ZFYVE28: variants seen among roughly 807,000 people sequenced by gnomAD.
ZFYVE28 encodes the protein zinc finger FYVE-type containing 28, also known as lateral signaling target protein 2 homolog.
Under a neutral mutation model 82.1 loss-of-function variants are expected in ZFYVE28, and 40 were observed. The observed-to-expected ratio is 0.49, with a 90% CI of 0.38 to 0.63. ZFYVE28 has a LOEUF of 0.63. Among genes scored for constraint, ZFYVE28 ranks in the 30% least tolerant of loss-of-function variants. The probability of loss-of-function intolerance (pLI) is 0.00; values close to 1 mark genes in which losing one functional copy is unlikely to be tolerated. For missense variants in ZFYVE28, 1,321 were observed against 1,242.1 expected, an observed-to-expected ratio of 1.06 and a Z score of -0.96; for synonymous variants, 612 against 546.1, an observed-to-expected ratio of 1.12 and a Z score of -1.68.
Position 2,308,675 on chromosome 4 carries a change from A to AAGAG in ZFYVE28, c.804-3143_804-3140dup, listed in dbSNP as rs1175184341. Among the ~76,000 whole-genome samples, 411 of 93,214 alleles carry AAGAG rather than the reference A, an allele frequency of 4.4e-3. 5 individuals are homozygous for AAGAG. The highest frequency in any genetic ancestry group is 0.016 in the African/African-American group (391 of 23,838). 61.2% of individuals were successfully genotyped at this position (93,214 alleles called of 152,430 possible). A position where few individuals can be genotyped will look rare whatever the true frequency, so the allele number is the denominator to read the frequency against. ...AAAGAAAGAAAGAAAGAAAGAAAGA[A>AAGAG]AGAGAAAGAAAGAAAAGAAAAGAAA... On this transcript the variant is annotated intron_variant, in intron 7 of 12. Transcript: ENST00000290974.
intron 7 of ZFYVE28, among the ~76,000 whole-genome samples, chr4:2,311,805 C>T (rs1284462873): frequency 2.0e-5 from 3 of 152,072 alleles, no homozygotes; most frequent in Non-Finnish European, 4.4e-5. Context: ...GAAATGAGGT[C>T]TTACTCTGTT....
chr4:2,286,578 C>G (rs531277933), intron 8 of ZFYVE28: 3 of 152,270 alleles, frequency 2.0e-5, no homozygotes, highest in African/African-American at 4.8e-5. Flanking sequence ...AGGCATCTGA[C>G]GCATGGATGC....
At chr4:2,321,901 G>T (rs1284899897) in intron 6 of ZFYVE28, among the ~76,000 whole-genome samples, 5 of 152,128 alleles carry the variant, frequency 3.3e-5, no homozygotes, top group African/African-American at 4.8e-5. Context: ...AGGAGTGGGG[G>T]GACAAGGCCC....
intron 1 of ZFYVE28, among the ~76,000 whole-genome samples, chr4:2,368,609 TTACTG>T (rs1373535167): frequency 1.3e-5 from 2 of 152,234 alleles, no homozygotes; most frequent in African/African-American, 4.8e-5. Context: ...TTTGTGTCTG[TTACTG>T]TCACAGAGCA....
intron 7 of ZFYVE28, among the ~76,000 whole-genome samples, chr4:2,317,376 G>T (rs1489776026): frequency 6.6e-6 from 1 of 152,194 alleles, no homozygotes; most frequent in Non-Finnish European, 1.5e-5. Context: ...CACCAGAGGG[G>T]ACTACCCCTT....
chr4:2,398,246 C>T (rs1210978023), intron 1 of ZFYVE28, among the ~76,000 whole-genome samples: 1 of 152,172 alleles, frequency 6.6e-6, no homozygotes, highest in Non-Finnish European at 1.5e-5. Context: ...AGGGCACCGA[C>T]ACGGGAGGCC....
chr4:2,402,470 G>A (rs1731300969), intron 1 of ZFYVE28, among the ~76,000 whole-genome samples: 1 of 152,242 alleles, frequency 6.6e-6, no homozygotes, highest in African/African-American at 2.4e-5. Flanking sequence ...ATTAAGCAGA[G>A]CAGGCAACAG....
intron 6 of ZFYVE28, among the ~76,000 whole-genome samples, chr4:2,325,267 T>G (rs1469125564): frequency 6.6e-6 from 1 of 152,212 alleles, no homozygotes; most frequent in Non-Finnish European, 1.5e-5. Flanking sequence ...AACAAATTTA[T>G]TGTTGCAAAT....
chr4:2,394,363 C>G lies in ZFYVE28; in HGVS notation c.39+23922G>C, dbSNP rs1730200215. Among the ~76,000 whole-genome samples the G allele has an allele frequency of 6.6e-6, 1 of 152,200 alleles. No homozygotes were observed. The highest frequency in any genetic ancestry group is 1.9e-4 in the East Asian group (1 of 5,196). On this transcript the variant is annotated intron_variant, in intron 1 of 12. Transcript: ENST00000290974. This position sits in a 1 kb window ranked among gnomAD's most constrained non-coding sequence, Gnocchi z 4.0. Reference sequence around the variant, plus strand: ...GCAGGTGGCACAGCTGGGTCACCCACCCCAGCAGCCACGTATGCGATCCCA... The same window carrying G: ...GCAGGTGGCACAGCTGGGTCACCCAGCCCAGCAGCCACGTATGCGATCCCA...
chr4:2,271,898 A>C (rs1735946555), intron 10 of ZFYVE28, 119 bp from the exon 11 acceptor site: 1 of 874,818 alleles, frequency 1.1e-6, no homozygotes, highest in Non-Finnish European at 1.8e-6. Context: ...CCCCAAGCCC[A>C]CTGGCAGTCT....
chr4:2,322,021 A>G (rs1304358229), intron 6 of ZFYVE28, among the ~76,000 whole-genome samples: 1 of 151,562 alleles, frequency 6.6e-6, no homozygotes, highest in Non-Finnish European at 1.5e-5. Context: ...GGGACCCAAG[A>G]CCCCCTGGGC....
rs1191649739 is a variant in ZFYVE28, at chr4:2,269,638, A to C, written c.*1087T>G. The C allele has an allele frequency of 6.6e-6, 1 of 152,246 alleles. No homozygotes were observed. The highest frequency in any genetic ancestry group is 6.5e-5 in the Admixed American group (1 of 15,284). 9.4% of individuals were successfully genotyped at this position (152,246 alleles called of 1,614,324 possible). A position where few individuals can be genotyped will look rare whatever the true frequency, so the allele number is the denominator to read the frequency against. ...ATTTATGGAAATGGCTTCAAATTAC[A>C]GCATTTAGAAAATAAATATAATCTC... On this transcript the variant is annotated 3_prime_UTR_variant, in exon 13 of 13. Coordinates refer to ENST00000290974, the MANE Select transcript of ZFYVE28 (RefSeq NM_020972.3).
intron 2 of ZFYVE28, among the ~76,000 whole-genome samples, chr4:2,349,025 G>A (rs189331659): frequency 8.4e-4 from 128 of 152,214 alleles, no homozygotes; most frequent in African/African-American, 2.8e-3. Context: ...TCTGACAGAC[G>A]AGTCACCCAG....
At chr4:2,333,717 T>C (rs765515048) in intron 6 of ZFYVE28, among the ~76,000 whole-genome samples, 2 of 152,136 alleles carry the variant, frequency 1.3e-5, no homozygotes, top group Non-Finnish European at 2.9e-5. Context: ...TTGCTGTGAG[T>C]GCCCTTGGGA....
chr4:2,323,236 C>A (rs1719369235), intron 6 of ZFYVE28, among the ~76,000 whole-genome samples: 1 of 152,190 alleles, frequency 6.6e-6, no homozygotes, highest in Non-Finnish European at 1.5e-5. Context: ...TTGATTACAG[C>A]CATCCTGGTG....
rs935149637 is a variant in ZFYVE28 at position 2,305,835 on chromosome 4, T to C, written c.804-299A>G. Among the ~76,000 whole-genome samples, 11 of 152,372 alleles carry C rather than the reference T, an allele frequency of 7.2e-5. No individual in the cohort carries two copies. The East Asian group carries it at 2.1e-3, about 29-fold the overall frequency. ...AGAAGAAAGCCCTAATTGTTAGGCA[T>C]GTGTTAGCTGCATGAATAAAAACTC... On this transcript the variant is annotated intron_variant, in intron 7 of 12. Transcript: ENST00000290974.
chr4:2,299,306 T>C (rs1239986582), intron 8 of ZFYVE28, among the ~76,000 whole-genome samples: 2 of 152,062 alleles, frequency 1.3e-5, no homozygotes, highest in African/African-American at 2.4e-5. Flanking sequence ...ACTCCGTTTT[T>C]CCCCCTCAAG....
chr4:2,277,373 G>A (rs1048105096), intron 8 of ZFYVE28, among the ~76,000 whole-genome samples: 2 of 152,164 alleles, frequency 1.3e-5, no homozygotes, highest in African/African-American at 2.4e-5. Context: ...CCAGCTACTC[G>A]GGAGGCTGAG....
chr4:2,366,055 C>T (rs1726851809), intron 1 of ZFYVE28, among the ~76,000 whole-genome samples: 1 of 152,188 alleles, frequency 6.6e-6, no homozygotes, highest in South Asian at 2.1e-4. Context: ...CGCAGCTCCC[C>T]CAGCGCAGCC....
Sources: allele counts gnomAD v4.1 joint callset (sites outside exome capture counted in the v4.1 genomes callset), GRCh38; gene constraint gnomAD v4.1.1; non-coding constraint Gnocchi (gnomAD v3.1); transcripts MANE v1.5; gene names NCBI Gene and HGNC (gene_info 2026-07-23, HGNC 2026-07-21).